The following ABCC11 variants were observed in gnomAD, a reference collection of about 807,000 sequenced individuals.
ABCC11 encodes the protein ATP binding cassette subfamily C member 11.
A neutral mutation model predicts 149.3 loss-of-function variants in ABCC11; 135 were observed. The ratio of observed to expected loss-of-function variants is 0.90; its 90% CI spans 0.79 to 1.04. The LOEUF is 1.04. Ranked by LOEUF, ABCC11 falls within the 50% of genes least tolerant of loss-of-function variation. The pLI, the probability that ABCC11 is intolerant of heterozygous loss-of-function variation, is 0.00. For missense variants in ABCC11, 1,680 were observed against 1,722.1 expected (o/e 0.98, Z 0.43); for synonymous variants, 665 against 671.4 (o/e 0.99, Z 0.15).
chr16:48,186,427 T>A (rs1342114108), intron 22 of ABCC11, among the ~76,000 whole-genome samples: 1 of 152,244 alleles, frequency 6.6e-6, no homozygotes, highest in South Asian at 2.1e-4. Context: ...TTCTTGTAGG[T>A]GAAGACCGTG....
intron 1 of ABCC11, among the ~76,000 whole-genome samples, chr16:48,245,032 T>G (rs925040576): frequency 6.6e-6 from 1 of 152,148 alleles, no homozygotes; most frequent in Non-Finnish European, 1.5e-5. Flanking sequence ...CCTTTACTCC[T>G]ATCCGCCTCC....
intron 3 of ABCC11, 75 bp downstream of exon 3, chr16:48,230,362 A>C (rs1214744425): frequency 1.2e-5 from 17 of 1,448,764 alleles, no homozygotes; most frequent in Non-Finnish European, 1.5e-5. Context: ...CCTTCGTGAG[A>C]GGTCTAGTTG....
chr16:48,184,699 C>T lies in ABCC11; in HGVS notation c.3072-73G>A, dbSNP rs186304714. The T allele has an allele frequency of 4.8e-4, 708 of 1,461,816 alleles. 1 individual carries two copies. In the African/African-American group the frequency reaches 5.7e-3, roughly 12 times the overall value. 90.6% of individuals were successfully genotyped at this position (1,461,816 alleles called of 1,614,324 possible). On this transcript the variant is annotated intron_variant, in intron 22 of 29. Coordinates refer to ENST00000356608, the MANE Select transcript of ABCC11 (RefSeq NM_001370497.1). ...GGTCTCCCCGGGTCAGGGTAGATACCGGCTGCTTCCTCCAGCATCCAGTTC... is the reference window on the plus strand; with the variant it reads ...GGTCTCCCCGGGTCAGGGTAGATACTGGCTGCTTCCTCCAGCATCCAGTTC...
chr16:48,172,851 A>C (rs757391135), intron 26 of ABCC11, among the ~76,000 whole-genome samples: 1 of 152,232 alleles, frequency 6.6e-6, no homozygotes, highest in Admixed American at 6.5e-5. Flanking sequence ...GAGGGAATCT[A>C]TCTGGACTTT....
intron 4 of ABCC11, among the ~76,000 whole-genome samples, chr16:48,226,717 T>C (rs2150907201): frequency 6.6e-6 from 1 of 152,318 alleles, no homozygotes; most frequent in South Asian, 2.1e-4. Flanking sequence ...TCTTACCAAA[T>C]AGGTCTGAGA....
Position 48,177,009 on chromosome 16 carries a change from T to C in ABCC11, c.3453A>G (p.Arg1151=). Residue 1151 remains arginine (R), a synonymous_variant, in exon 25 of 30, where the codon AGA becomes AGG. Transcript: ENST00000356608. ...IIFQDYHMKY[R]DNTPTVLHGI... ...CGTGAAGCACGGTGGGTGTGTTGTC[T>C]CTGTATTTCATGTGATAATCCTGAA... 6.2e-7 allele frequency: 1 copy of C among 1,614,180 alleles called. No homozygotes were observed. Among genetic ancestry groups the C allele is most frequent in the South Asian group, 1.1e-5 (1 of 91,078 alleles).
At chr16:48,196,136 T>G (rs1967385020) in intron 18 of ABCC11, 96 bp downstream of exon 18, 8 of 1,270,444 alleles carry the variant, frequency 6.3e-6, no homozygotes, top group Non-Finnish European at 6.7e-6. Context: ...CCTCTGGACC[T>G]CTCTACTTCA....
chr16:48,193,925 A>G lies in ABCC11; in HGVS notation c.2462T>C (p.Ile821Thr), dbSNP rs1967146807. 5.0e-6 allele frequency: 8 copies of G among 1,614,118 alleles called. No homozygotes were observed. The highest frequency in any genetic ancestry group is 6.8e-6 in the Non-Finnish European group (8 of 1,179,964). The stretch of plus-strand genomic sequence containing the variant: ...GTAGCTCAGCCACCAGAAGCTGAAG[A>G]TCGTTAAGAAGACGATCAGCACCAC... ...FFVVLIVFLT[I>T]FSFWWLSYWL... The change falls in exon 19 of 30, where the codon ATC (isoleucine) becomes ACC (threonine). Residue 821 changes from isoleucine (I) to threonine (T), a missense_variant. Physicochemically the swap from Ile to Thr is moderately conservative, Grantham distance 89 (BLOSUM62 -1). Transcript: ENST00000356608.
intron 23 of ABCC11, among the ~76,000 whole-genome samples, chr16:48,181,179 G>A (rs1236079024): frequency 1.3e-5 from 2 of 152,202 alleles, no homozygotes; most frequent in Non-Finnish European, 2.9e-5. Flanking sequence ...TAGTGATTCC[G>A]AATCCCCTAA....
At chr16:48,245,509 A>G (rs140219931) in intron 1 of ABCC11, among the ~76,000 whole-genome samples, 19 of 152,306 alleles carry the variant, frequency 1.2e-4, no homozygotes, top group African/African-American at 4.6e-4. Flanking sequence ...TGTGTAGTGC[A>G]TGTGGCTCGT....
chr16:48,228,523 G>A (rs1970225786), intron 3 of ABCC11, among the ~76,000 whole-genome samples: 2 of 151,946 alleles, frequency 1.3e-5, no homozygotes, highest in Admixed American at 6.6e-5. Flanking sequence ...TTGAACCCGG[G>A]AGGCACAGGT....
rs762274930 is a variant in ABCC11 at position 48,175,248 on chromosome 16, C to G, written c.3698+10G>C. 6 of 1,597,526 alleles carry G rather than the reference C, an allele frequency of 3.8e-6. No individual in the cohort carries two copies. In the African/African-American group the frequency reaches 4.0e-5, roughly 11 times the overall value. On this transcript the variant is annotated intron_variant, in intron 26 of 29. Transcript: ENST00000356608. ...ACCTCCTGCAGGCTGCCTGCTGGCCCGGCACTCACCTGATGGTTCCTGAGA... is the reference window on the plus strand; with the variant it reads ...ACCTCCTGCAGGCTGCCTGCTGGCCGGGCACTCACCTGATGGTTCCTGAGA...
At chr16:48,214,539 CTT>C (rs1969182770) in intron 9 of ABCC11, among the ~76,000 whole-genome samples, 1 of 152,116 alleles carries the variant, frequency 6.6e-6, no homozygotes, top group African/African-American at 2.4e-5. Flanking sequence ...GACGCTATAC[CTT>C]TGTATTTAAA....
chr16:48,203,113 A>T, intron 14 of ABCC11, 115 bp downstream of exon 14: 1 of 1,185,152 alleles, frequency 8.4e-7, no homozygotes, highest in Non-Finnish European at 1.2e-6. Flanking sequence ...TGCAGGAAAA[A>T]CTCCAACTGC....
At chr16:48,223,958 C>G (rs1969911135) in intron 5 of ABCC11, among the ~76,000 whole-genome samples, 2 of 152,054 alleles carry the variant, frequency 1.3e-5, no homozygotes, top group South Asian at 4.1e-4. Context: ...CAAGGGTTTC[C>G]ATAAGGTCTA....
At chr16:48,187,117 C>T (rs770913588) in intron 21 of ABCC11, 27 bp from the exon 22 acceptor site, 1 of 1,614,066 alleles carries the variant, frequency 6.2e-7, no homozygotes, top group Non-Finnish European at 8.5e-7. Flanking sequence ...GGTAAGGGAC[C>T]TGGACCGTCC....
In ABCC11 at chr16:48,192,685, C is replaced by T. The variant is rs145491324; in HGVS notation, c.2541G>A (p.Met847Ile). 8.1e-6 allele frequency: 13 copies of T among 1,614,088 alleles called. No individual in the cohort carries two copies. Among genetic ancestry groups the T allele is most frequent in the Admixed American group, 1.7e-5 (1 of 60,004 alleles). ...TNSSRESNGT[M>I]ADLGNIADNP... The stretch of plus-strand genomic sequence containing the variant: ...TGTCTGCAATGTTGCCCAGGTCTGC[C>T]ATGGTTCCATTGCTCTCTCGGCTGC... Residue 847 changes from methionine (M) to isoleucine (I), a missense_variant, in exon 20 of 30, where the codon ATG (methionine) becomes ATA (isoleucine). Coordinates refer to ENST00000356608, the MANE Select transcript of ABCC11 (RefSeq NM_001370497.1).
chr16:48,239,045 T>C (rs927526240), intron 1 of ABCC11, among the ~76,000 whole-genome samples: 1 of 151,972 alleles, frequency 6.6e-6, no homozygotes, highest in Non-Finnish European at 1.5e-5. Flanking sequence ...GAACAGCTCT[T>C]TCTTATAGTA....
At chr16:48,198,492 C>T (rs1190304244) in intron 15 of ABCC11, among the ~76,000 whole-genome samples, 3 of 152,154 alleles carry the variant, frequency 2.0e-5, no homozygotes, top group Non-Finnish European at 2.9e-5. Context: ...ATTGGTACAA[C>T]TACTTTGGAG....
Sources: allele counts gnomAD v4.1 joint callset (sites outside exome capture counted in the v4.1 genomes callset), GRCh38; gene constraint gnomAD v4.1.1; transcripts MANE v1.5; gene names NCBI Gene and HGNC (gene_info 2026-07-23, HGNC 2026-07-21).